The following ALPK2 variants were observed in gnomAD, a reference collection of about 807,000 sequenced individuals.
ALPK2 encodes alpha kinase 2, also known as alpha-protein kinase 2.
A neutral mutation model predicts 163.1 loss-of-function variants in ALPK2; 127 were observed. The ratio of observed to expected loss-of-function variants is 0.78; its 90% CI spans 0.67 to 0.90. The LOEUF (loss-of-function observed/expected upper bound fraction) is 0.90. Ranked by LOEUF, ALPK2 falls within the 40% of genes least tolerant of loss-of-function variation. The probability of loss-of-function intolerance (pLI) is 0.00; values close to 1 mark genes in which losing one functional copy is unlikely to be tolerated. For synonymous variants in ALPK2, 953 were observed against 959.1 expected (o/e 0.99, Z 0.12); for missense variants, 2,360 against 2,589.6 (o/e 0.91, Z 1.92).
chr18:58,517,592 C>T (rs1040863850), intron 8 of ALPK2, among the ~76,000 whole-genome samples: 1 of 151,982 alleles, frequency 6.6e-6, no homozygotes. Context: ...TATTGCCCCC[C>T]ACCCCCCGCA....
In ALPK2 at chr18:58,579,852, A is replaced by G. The variant is rs781603357; in HGVS notation, c.924T>C (p.Tyr308=). Residue 308 remains tyrosine (Y), a synonymous_variant, in exon 4 of 13, where the codon TAT becomes TAC. Transcript: ENST00000361673. The part of the protein sequence containing the change: ...QLSSEDSDSD[Y]ELCPEITLTY... ...TTAGGGTTATCTCTGGGCAAAGTTC[A>G]TAGTCACTGTCAGAGTCTTCACTGG... The G allele has an allele frequency of 1.2e-6, 2 of 1,614,220 alleles. No homozygotes were observed. The highest frequency in any genetic ancestry group is 4.5e-5 in the East Asian group (2 of 44,884).
In ALPK2 at chr18:58,607,423, C is replaced by T. The variant is rs1383071277; in HGVS notation, c.126G>A (p.Glu42=). The change falls in exon 3 of 13, where the codon GAG becomes GAA. Residue 42 remains glutamate (E), a synonymous_variant. Coordinates refer to ENST00000361673, the MANE Select transcript of ALPK2 (RefSeq NM_052947.4). The part of the protein sequence containing the change: ...RCIISGQPKP[E]VTWYKNGQAI... ...CCTGACCATTCTTATACCAAGTTAC[C>T]TCTGGCTTGGGCTGACCTGACAATA... 6.2e-7 allele frequency: 1 copy of T among 1,611,756 alleles called. No homozygotes were observed. Among genetic ancestry groups the T allele is most frequent in the Non-Finnish European group, 8.5e-7 (1 of 1,178,858 alleles).
chr18:58,558,945 G>A (rs1439598867), intron 4 of ALPK2, among the ~76,000 whole-genome samples: 1 of 152,240 alleles, frequency 6.6e-6, no homozygotes, highest in East Asian at 1.9e-4. Context: ...GGAAGTGACT[G>A]TTAATAAGTA....
intron 2 of ALPK2, among the ~76,000 whole-genome samples, chr18:58,610,726 G>A (rs1316024416): frequency 6.6e-6 from 1 of 152,122 alleles, no homozygotes; most frequent in East Asian, 1.9e-4. Context: ...CAGATCATGA[G>A]GTCAAGAGAT....
intron 1 of ALPK2, among the ~76,000 whole-genome samples, chr18:58,621,416 C>T (rs1174178537): frequency 2.6e-5 from 4 of 151,748 alleles, no homozygotes; most frequent in East Asian, 1.9e-4. Context: ...GAACTACAGG[C>T]GCCCGCCACA....
intron 2 of ALPK2, 80 bp from the exon 3 acceptor site, chr18:58,607,519 A>C: frequency 1.1e-6 from 1 of 874,134 alleles, no homozygotes; most frequent in Non-Finnish European, 1.7e-6. Flanking sequence ...AGCTATGAAC[A>C]AGGATGGACA....
chr18:58,567,939 T>C (rs2051865042), intron 4 of ALPK2, among the ~76,000 whole-genome samples: 1 of 152,158 alleles, frequency 6.6e-6, no homozygotes, highest in Non-Finnish European at 1.5e-5. Flanking sequence ...ACTTCTGTCT[T>C]TGAGGTCTCC....
rs564580986 is a variant in ALPK2 at position 58,609,047 on chromosome 18, C to T, written c.110-1608G>A. On this transcript the variant is annotated intron_variant, in intron 2 of 12. Coordinates refer to ENST00000361673, the MANE Select transcript of ALPK2 (RefSeq NM_052947.4). ...CGAAGTACAGAGGGAAGAAAAAGTT[C>T]GTTAGACCTGCACCTGCACCATGAG... is the stretch of plus-strand genomic sequence containing the variant. Among the ~76,000 whole-genome samples the T allele has an allele frequency of 4.6e-5, 7 of 152,174 alleles. No homozygotes were observed. In the East Asian group the frequency reaches 1.2e-3, roughly 25 times the overall value.
At chr18:58,607,521 G>C in intron 2 of ALPK2, 82 bp from the exon 3 acceptor site, 1 of 862,736 alleles carries the variant, frequency 1.2e-6, no homozygotes, top group South Asian at 1.8e-5. Context: ...CTATGAACAA[G>C]GATGGACAGT....
Position 58,536,235 on chromosome 18 carries a change from C to T in ALPK2, c.3952G>A (p.Glu1318Lys). 1 of 1,614,204 alleles carries T rather than the reference C, an allele frequency of 6.2e-7. No homozygotes were observed. The highest frequency in any genetic ancestry group is 8.5e-7 in the Non-Finnish European group (1 of 1,180,030). Reference sequence around the variant, plus strand: ...CTCCAATGTACACTGATGGTGGGCTCTTCGCCTTTATGGCTTTCTCTGCTA... The same window carrying T: ...CTCCAATGTACACTGATGGTGGGCTTTTCGCCTTTATGGCTTTCTCTGCTA... ...ADSRESHKGE[E>K]PTISVHWRSL... Residue 1318 changes from glutamate (E) to lysine (K), a missense_variant, in exon 5 of 13, where the codon GAG (glutamate) becomes AAG (lysine). Glu to Lys is a moderately conservative substitution (Grantham distance 56). Coordinates refer to ENST00000361673, the MANE Select transcript of ALPK2 (RefSeq NM_052947.4).
In ALPK2 at chr18:58,537,283, G is replaced by A. The variant is rs201610455; in HGVS notation, c.2904C>T (p.Ala968=). 5.7e-5 allele frequency: 92 copies of A among 1,614,152 alleles called. 1 individual carries two copies. Among genetic ancestry groups the A allele is most frequent in the African/African-American group, 4.5e-4 (34 of 75,038 alleles). ...EGGDKSPSPS[A]ADTTATPASY... is the part of the protein sequence containing the mutation. ...TGGCTGGTGTGGCTGTGGTGTCTGC[G>A]GCACTAGGACTGGGGCTCTTGTCAC... The change falls in exon 5 of 13, where the codon GCC becomes GCT. Residue 968 remains alanine, a synonymous_variant. Transcript: ENST00000361673.
At chr18:58,539,009 G>A (rs2051675074) in intron 4 of ALPK2, among the ~76,000 whole-genome samples, 1 of 151,896 alleles carries the variant, frequency 6.6e-6, no homozygotes, top group South Asian at 2.1e-4. Context: ...GATGCCTAAT[G>A]TTGAACTTTC....
intron 12 of ALPK2, among the ~76,000 whole-genome samples, chr18:58,489,698 A>C (rs1307730602): frequency 1.3e-5 from 2 of 152,010 alleles, no homozygotes; most frequent in East Asian, 3.8e-4. Flanking sequence ...AAACAGTCAT[A>C]ATAATAATAA....
At chr18:58,484,808 T>A (rs1006673010) in intron 12 of ALPK2, among the ~76,000 whole-genome samples, 3 of 151,914 alleles carry the variant, frequency 2.0e-5, no homozygotes, top group African/African-American at 7.3e-5. Flanking sequence ...AATGAGAAAA[T>A]CCATAGAAAC....
At chr18:58,572,525 T>G (rs549623000) in intron 4 of ALPK2, among the ~76,000 whole-genome samples, 8 of 152,114 alleles carry the variant, frequency 5.3e-5, no homozygotes, top group African/African-American at 1.9e-4. Flanking sequence ...GCGAACTGCG[T>G]GGAATACTAC....
In ALPK2 at chr18:58,529,087, G is replaced by A. The variant is rs56215500; in HGVS notation, c.5501+4C>T. ...TGAAAAGTAACCAGGGAAAAACATC[G>A]CACCTTCTCTGCACTTGGGCTATGG... is the stretch of plus-strand genomic sequence containing the variant. On this transcript the variant is annotated splice_donor_region_variant and intron_variant, in intron 6 of 12. Coordinates refer to ENST00000361673, the MANE Select transcript of ALPK2 (RefSeq NM_052947.4). 7,006 of 1,613,868 alleles carry A rather than the reference G, an allele frequency of 4.3e-3. 265 individuals carry two copies. In the African/African-American group the frequency reaches 0.081, roughly 19 times the overall value.
chr18:58,611,105 A>C (rs943762096), intron 2 of ALPK2, among the ~76,000 whole-genome samples: 15 of 150,290 alleles, frequency 1.0e-4, no homozygotes, highest in African/African-American at 3.4e-4. Flanking sequence ...AAAAAAAAAA[A>C]CAATAAAAAT....
chr18:58,503,730 G>T (rs1158997921), intron 11 of ALPK2, among the ~76,000 whole-genome samples: 1 of 152,066 alleles, frequency 6.6e-6, no homozygotes, highest in Non-Finnish European at 1.5e-5. Context: ...AAAATAAAAT[G>T]AAATGGCCCT....
At chr18:58,505,762 C>A (rs143938886) in intron 10 of ALPK2, among the ~76,000 whole-genome samples, 90 of 152,302 alleles carry the variant, frequency 5.9e-4, no homozygotes, top group Non-Finnish European at 7.5e-4. Context: ...GGCTTTCCCT[C>A]GAAAGAAGCC....
Sources: allele counts gnomAD v4.1 joint callset (sites outside exome capture counted in the v4.1 genomes callset), GRCh38; gene constraint gnomAD v4.1.1; transcripts MANE v1.5; gene names NCBI Gene and HGNC (gene_info 2026-07-23, HGNC 2026-07-21).